TP53I11: variants seen among roughly 807,000 people sequenced by gnomAD.
The protein encoded by TP53I11 is tumor protein p53-inducible protein 11.
In TP53I11, 9 loss-of-function variants were observed where a neutral mutation model predicts 23.3. The ratio of observed to expected loss-of-function variants is 0.39; its 90% CI spans 0.23 to 0.67. The LOEUF (loss-of-function observed/expected upper bound fraction) is 0.67. TP53I11 is among the 30% of genes least tolerant of loss of function. TP53I11 has a pLI of 0.48. For synonymous variants in TP53I11, 100 were observed against 106.1 expected, an observed-to-expected ratio of 0.94 and a Z score of 0.35; for missense variants, 170 against 255.2, an observed-to-expected ratio of 0.67 and a Z score of 2.27.
Position 44,936,656 on chromosome 11 carries a change from A to G in TP53I11, c.334+147T>C. ...AGATGGCAGCACATCCCCAGCAGAGAGCTTCATCAGAGGCCGGGGTGTGGG... is the reference window on the plus strand; with the variant it reads ...AGATGGCAGCACATCCCCAGCAGAGGGCTTCATCAGAGGCCGGGGTGTGGG... On this transcript the variant is annotated intron_variant, in intron 5 of 6. Transcript: ENST00000525680. The surrounding 1 kb of genome is among the most constrained non-coding windows in gnomAD (Gnocchi z 4.4). 7.3e-7 allele frequency: 1 copy of G among 1,367,632 alleles called. No individual in the cohort carries two copies. The highest frequency in any genetic ancestry group is 9.4e-7 in the Non-Finnish European group (1 of 1,059,394). 84.7% of individuals were successfully genotyped at this position (1,367,632 alleles called of 1,614,324 possible). A position where few individuals can be genotyped will look rare whatever the true frequency, so the allele number is the denominator to read the frequency against.
chr11:44,942,746 T>C (rs1862012826), intron 1 of TP53I11, among the ~76,000 whole-genome samples: 1 of 152,072 alleles, frequency 6.6e-6, no homozygotes. Flanking sequence ...GAAAATGGAA[T>C]CTTGACCTCC....
chr11:44,936,941 G>T lies in TP53I11; in HGVS notation c.238-42C>A, dbSNP rs760533775. 12 of 1,412,694 alleles carry T rather than the reference G, an allele frequency of 8.5e-6. No homozygotes were observed. Among genetic ancestry groups the T allele is most frequent in the South Asian group, 1.3e-5 (1 of 78,580 alleles). 87.5% of individuals were successfully genotyped at this position (1,412,694 alleles called of 1,614,324 possible). The stretch of plus-strand genomic sequence containing the variant: ...GGGCTCAGAGGTCCCGCTTGGGAGA[G>T]GGTGGGGGGTGACAGCTGATGCTTC... On this transcript the variant is annotated intron_variant, in intron 4 of 6. Transcript: ENST00000525680. This position sits in a 1 kb window ranked among gnomAD's most constrained non-coding sequence, Gnocchi z 4.4.
Position 44,936,160 on chromosome 11 carries a change from T to C in TP53I11, c.335-498A>G. On this transcript the variant is annotated intron_variant, in intron 5 of 6. Coordinates refer to ENST00000525680, the MANE Select transcript of TP53I11 (RefSeq NM_006034.5). The surrounding 1 kb of genome is among the most constrained non-coding windows in gnomAD (Gnocchi z 4.4). ...ACCATACTTTTTAGCAGAAGACCACTGACTTGGCCTCTAGCAGGCCCCGCC... is the reference window on the plus strand; with the variant it reads ...ACCATACTTTTTAGCAGAAGACCACCGACTTGGCCTCTAGCAGGCCCCGCC... 1.0e-6 allele frequency: 1 copy of C among 955,726 alleles called. No individual in the cohort carries two copies. The highest frequency in any genetic ancestry group is 1.3e-6 in the Non-Finnish European group (1 of 796,612). 59.2% of individuals were successfully genotyped at this position (955,726 alleles called of 1,614,324 possible).
intron 1 of TP53I11, among the ~76,000 whole-genome samples, chr11:44,943,379 G>A (rs1439023343): frequency 6.6e-6 from 1 of 152,200 alleles, no homozygotes; most frequent in African/African-American, 2.4e-5. Context: ...CAGGAGGCTG[G>A]GGGCAGGGGC....
rs1860817579 is a variant in TP53I11, at chr11:44,933,977, T to TC, written c.*906dup. On this transcript the variant is annotated 3_prime_UTR_variant, in exon 7 of 7. Coordinates refer to ENST00000525680, the MANE Select transcript of TP53I11 (RefSeq NM_006034.5). ...CCCAGCCCCACCACTTACAATGGTCTCCATTGGGGGCTGTGTGTCCCTTTG... is the reference window on the plus strand; with the variant it reads ...CCCAGCCCCACCACTTACAATGGTCTCCCATTGGGGGCTGTGTGTCCCTTTG... 1 of 152,458 alleles carries TC rather than the reference T, an allele frequency of 6.6e-6. No individual in the cohort carries two copies. Among genetic ancestry groups the TC allele is most frequent in the African/African-American group, 2.4e-5 (1 of 41,456 alleles). 9.4% of individuals were successfully genotyped at this position (152,458 alleles called of 1,614,324 possible).
rs1860751864 is a variant in TP53I11, at chr11:44,933,380, TCTATG to T, written c.*1499_*1503del. On this transcript the variant is annotated 3_prime_UTR_variant, in exon 7 of 7. Coordinates refer to ENST00000525680, the MANE Select transcript of TP53I11 (RefSeq NM_006034.5). ...TAGACACCCTCCAGCCATCCCCCAC[TCTATG>T]CCAGGATGGGAAGCGAGTCTGAGGC... 1.3e-5 allele frequency: 2 copies of T among 152,516 alleles called. No homozygotes were observed. Among genetic ancestry groups the T allele is most frequent in the African/African-American group, 4.8e-5 (2 of 41,450 alleles). The allele number at this position is 152,516 out of a possible 1,614,324, so 9.4% of individuals were successfully genotyped here. A position where few individuals can be genotyped will look rare whatever the true frequency, so the allele number is the denominator to read the frequency against.
In TP53I11 at chr11:44,936,944, T is replaced by TA; in HGVS notation, c.238-46_238-45insT. On this transcript the variant is annotated intron_variant, in intron 4 of 6. Transcript: ENST00000525680. This position sits in a 1 kb window ranked among gnomAD's most constrained non-coding sequence, Gnocchi z 4.4. The stretch of plus-strand genomic sequence containing the variant: ...CTCAGAGGTCCCGCTTGGGAGAGGG[T>TA]GGGGGGTGACAGCTGATGCTTCCCA... 2.8e-6 allele frequency: 4 copies of TA among 1,408,018 alleles called. No homozygotes were observed. Among genetic ancestry groups the TA allele is most frequent in the Non-Finnish European group, 3.9e-6 (4 of 1,024,518 alleles). The allele number at this position is 1,408,018 out of a possible 1,614,324, so 87.2% of individuals were successfully genotyped here.
chr11:44,945,823 A>T (rs1862335235), intron 1 of TP53I11, among the ~76,000 whole-genome samples: 1 of 152,148 alleles, frequency 6.6e-6, no homozygotes, highest in Non-Finnish European at 1.5e-5. Context: ...TGCTCCCTGG[A>T]GGGCGGGACG....
Position 44,936,214 on chromosome 11 carries a change from C to A in TP53I11, c.335-552G>T. On this transcript the variant is annotated intron_variant, in intron 5 of 6. Transcript: ENST00000525680. This position sits in a 1 kb window ranked among gnomAD's most constrained non-coding sequence, Gnocchi z 4.4. ...CCAGTGTCTGCTGGTACCAGACATG[C>A]CACTGGGTGTGCATTTATTTTATTC... The A allele has an allele frequency of 3.9e-6, 4 of 1,025,994 alleles. No homozygotes were observed. The highest frequency in any genetic ancestry group is 4.7e-6 in the Non-Finnish European group (4 of 857,646). 63.6% of individuals were successfully genotyped at this position (1,025,994 alleles called of 1,614,324 possible).
rs555803573 is a variant in TP53I11, at chr11:44,947,506, G to C, written c.-32+3171C>G. ...GAGAGGAAAGGACAGGAGCTTCCTCGAAGGGATGCTCCACATTTTGAGCCC... is the reference window on the plus strand; with the variant it reads ...GAGAGGAAAGGACAGGAGCTTCCTCCAAGGGATGCTCCACATTTTGAGCCC... On this transcript the variant is annotated intron_variant, in intron 1 of 6. Coordinates refer to ENST00000525680, the MANE Select transcript of TP53I11 (RefSeq NM_006034.5). Among the ~76,000 whole-genome samples, 10 of 152,322 alleles carry C rather than the reference G, an allele frequency of 6.6e-5. No homozygotes were observed. In the South Asian group the frequency reaches 2.1e-3, roughly 32 times the overall value.
chr11:44,944,851 A>G (rs1378898320), intron 1 of TP53I11, among the ~76,000 whole-genome samples: 1 of 152,164 alleles, frequency 6.6e-6, no homozygotes, highest in Non-Finnish European at 1.5e-5. Flanking sequence ...GTGGCTGCCC[A>G]GGCTCTGCCC....
rs184211730 is a variant in TP53I11, at chr11:44,936,296, T to C, written c.334+507A>G. 3.5e-6 allele frequency: 4 copies of C among 1,142,624 alleles called. No homozygotes were observed. Among genetic ancestry groups the C allele is most frequent in the African/African-American group, 3.2e-5 (2 of 62,426 alleles). 70.8% of individuals were successfully genotyped at this position (1,142,624 alleles called of 1,614,324 possible). ...TTATTCTGTAGGCAATAGGGAGCCATAGAATATTTCGTAGAAATAGAGGCA... is the reference window on the plus strand; with the variant it reads ...TTATTCTGTAGGCAATAGGGAGCCACAGAATATTTCGTAGAAATAGAGGCA... On this transcript the variant is annotated intron_variant, in intron 5 of 6. Transcript: ENST00000525680. The surrounding 1 kb of genome is among the most constrained non-coding windows in gnomAD (Gnocchi z 4.4).
rs949694023 is a variant in TP53I11 at position 44,936,432 on chromosome 11, A to AG, written c.334+370dup. The AG allele has an allele frequency of 3.5e-5, 43 of 1,232,588 alleles. No homozygotes were observed. Among genetic ancestry groups the AG allele is most frequent in the African/African-American group, 3.1e-4 (20 of 64,484 alleles). 76.4% of individuals were successfully genotyped at this position (1,232,588 alleles called of 1,614,324 possible). A position where few individuals can be genotyped will look rare whatever the true frequency, so the allele number is the denominator to read the frequency against. On this transcript the variant is annotated intron_variant, in intron 5 of 6. Transcript: ENST00000525680. This position sits in a 1 kb window ranked among gnomAD's most constrained non-coding sequence, Gnocchi z 4.4. Reference sequence around the variant, plus strand: ...ACAGAAGTGGCTCTGGGGATAAAATAGGGGGGGTGCGAGGGGTTTTGCAGA... The same window carrying AG: ...ACAGAAGTGGCTCTGGGGATAAAATAGGGGGGGGTGCGAGGGGTTTTGCAGA...
In TP53I11 at chr11:44,935,309, G is replaced by C. The variant is rs749087079; in HGVS notation, c.436+252C>G. 7.2e-5 allele frequency among the ~76,000 whole-genome samples: 11 copies of C among 151,992 alleles called. 1 individual carries two copies. The highest frequency in any genetic ancestry group is 1.3e-4 in the Non-Finnish European group (9 of 68,028). On this transcript the variant is annotated intron_variant, in intron 6 of 6. Coordinates refer to ENST00000525680, the MANE Select transcript of TP53I11 (RefSeq NM_006034.5). Reference sequence around the variant, plus strand: ...GGCAGTGGGTGTGGGGGGGCCGCAGGTACATGTGTGTGCAAGGCCATAGAT... The same window carrying C: ...GGCAGTGGGTGTGGGGGGGCCGCAGCTACATGTGTGTGCAAGGCCATAGAT...
At chr11:44,935,393 T>C (rs1860981878) in intron 6 of TP53I11, among the ~76,000 whole-genome samples, 168 bp downstream of exon 6, 1 of 152,150 alleles carries the variant, frequency 6.6e-6, no homozygotes, top group South Asian at 2.1e-4. Flanking sequence ...TGCACAGGTG[T>C]GCAGGCACAC....
chr11:44,935,521 C>A (rs773592309), intron 6 of TP53I11, 40 bp downstream of exon 6: 2 of 1,581,144 alleles, frequency 1.3e-6, no homozygotes, highest in African/African-American at 2.7e-5. Context: ...AGGGGCGAAG[C>A]GGCCCATCAG....
intron 1 of TP53I11, chr11:44,947,168 C>G: frequency 2.2e-6 from 1 of 453,794 alleles, no homozygotes; most frequent in Non-Finnish European, 4.4e-6. Flanking sequence ...CCTCCATCAC[C>G]GCTCAGAAGT....
intron 5 of TP53I11, chr11:44,935,937 C>T: frequency 1.9e-6 from 1 of 536,486 alleles, no homozygotes. Flanking sequence ...GACTCGATCT[C>T]TTTATAAAGG....
chr11:44,947,723 G>A (rs1053134354), intron 1 of TP53I11, among the ~76,000 whole-genome samples: 1 of 152,136 alleles, frequency 6.6e-6, no homozygotes, highest in African/African-American at 2.4e-5. Flanking sequence ...GCTCCATCCT[G>A]GCTCTACCAC....
Sources: allele counts gnomAD v4.1 joint callset (sites outside exome capture counted in the v4.1 genomes callset), GRCh38; gene constraint gnomAD v4.1.1; non-coding constraint Gnocchi (gnomAD v3.1); transcripts MANE v1.5; gene names NCBI Gene and HGNC (gene_info 2026-07-23, HGNC 2026-07-21).